The following ATM variants were observed in gnomAD, a reference collection of about 807,000 sequenced individuals.
The protein encoded by ATM is serine-protein kinase ATM.
ATM carries 308 observed loss-of-function variants against 387.0 expected under a neutral mutation model. That is an observed-to-expected ratio of 0.80 (90% CI 0.73 to 0.87). ATM has a LOEUF of 0.87. Among genes scored for constraint, ATM ranks in the 40% least tolerant of loss-of-function variants. The pLI is 0.00. For synonymous variants in ATM, 1,156 were observed against 1,187.3 expected, an observed-to-expected ratio of 0.97 and a Z score of 0.54; for missense variants, 3,312 against 3,560.9, an observed-to-expected ratio of 0.93 and a Z score of 1.78.
chr11:108,323,227 A>AG (rs2085359694), intron 45 of ATM, among the ~76,000 whole-genome samples: 1 of 152,240 alleles, frequency 6.6e-6, no homozygotes, highest in African/African-American at 2.4e-5. Context: ...GTGGCTTAGG[A>AG]GGAAAATAAA....
intron 4 of ATM, among the ~76,000 whole-genome samples, chr11:108,233,059 A>T (rs561313927): frequency 6.6e-6 from 1 of 151,792 alleles, no homozygotes; most frequent in Non-Finnish European, 1.5e-5. Context: ...ACGGGGTTTC[A>T]CCACATTGGT....
At chr11:108,336,121 A>G in intron 56 of ATM, 160 bp downstream of exon 56, 1 of 575,502 alleles carries the variant, frequency 1.7e-6, no homozygotes, top group Non-Finnish European at 3.1e-6. Context: ...ACATAGTGAG[A>G]CCCCATCTTG....
chr11:108,322,875 C>T (rs1369724703), intron 45 of ATM, among the ~76,000 whole-genome samples: 1 of 151,344 alleles, frequency 6.6e-6, no homozygotes, highest in Admixed American at 6.6e-5. Context: ...TTTATCTCTG[C>T]CTTGCTACTA....
chr11:108,367,336 T>G lies in ATM; in HGVS notation c.*1828T>G, dbSNP rs1002371848. On this transcript the variant is annotated 3_prime_UTR_variant, in exon 63 of 63. Transcript: ENST00000675843. ...AGGATTTCCCCTTTCTTGTAAGTTC[T>G]GCTATGTATTTAAAAGAATGTTTTC... The G allele has an allele frequency of 5.4e-6, 1 of 184,942 alleles. No individual in the cohort carries two copies. The allele number at this position is 184,942 out of a possible 1,614,324, so 11.5% of individuals were successfully genotyped here. A position where few individuals can be genotyped will look rare whatever the true frequency, so the allele number is the denominator to read the frequency against.
chr11:108,245,065 C>T (rs2135245707), intron 7 of ATM, 39 bp downstream of exon 7: 1 of 1,472,886 alleles, frequency 6.8e-7, no homozygotes, highest in Non-Finnish European at 9.4e-7. Context: ...TTTGCTTCTT[C>T]ATTCAAACAT....
chr11:108,255,700 G>A (rs773112300), intron 13 of ATM, among the ~76,000 whole-genome samples: 21 of 152,100 alleles, frequency 1.4e-4, no homozygotes, highest in Admixed American at 2.0e-4. Context: ...TGTTGGGGTT[G>A]TAGGCGTGAG....
Position 108,334,874 on chromosome 11 carries a change from CT to C in ATM, c.8011-94del, listed in dbSNP as rs2086659456. ...CACTATCACATCGTCATTTGTTTCT[CT>C]GTTTAATATTAAAATTGCCATTTAT... On this transcript the variant is annotated intron_variant, in intron 54 of 62. Transcript: ENST00000675843. The C allele has an allele frequency of 2.8e-6, 4 of 1,407,728 alleles. 1 individual carries two copies. In the Admixed American group the frequency reaches 7.0e-5, roughly 25 times the overall value. 87.2% of individuals were successfully genotyped at this position (1,407,728 alleles called of 1,614,324 possible).
rs1387925127 is a variant in ATM, at chr11:108,244,088, A to T, written c.632A>T (p.Asp211Val). The T allele has an allele frequency of 6.2e-7, 1 of 1,613,802 alleles. No individual in the cohort carries two copies. Among genetic ancestry groups the T allele is most frequent in the Admixed American group, 1.7e-5 (1 of 59,990 alleles). ...GACGGATTAAATTCCAAATTTTTGG[A>T]CTTTTTTTCCAAGGCTATTCAGTGT... ...QTDGLNSKFL[D>V]FFSKAIQCAR... Residue 211 changes from aspartate (D) to valine (V), a missense_variant, in exon 6 of 63, where the codon GAC (aspartate) becomes GTC (valine). Asp to Val is a radical substitution (Grantham distance 152). Transcript: ENST00000675843.
intron 52 of ATM, among the ~76,000 whole-genome samples, chr11:108,332,553 T>C (rs1258075434): frequency 6.6e-6 from 1 of 152,162 alleles, no homozygotes; most frequent in Non-Finnish European, 1.5e-5. Flanking sequence ...AGTGAAACAA[T>C]AGATTTTGAA....
chr11:108,273,465 C>T (rs945283845), intron 22 of ATM, among the ~76,000 whole-genome samples: 2 of 150,752 alleles, frequency 1.3e-5, no homozygotes, highest in East Asian at 3.9e-4. Flanking sequence ...CCTCATCCTC[C>T]TGAGTAGCTG....
At chr11:108,235,591 T>C in intron 4 of ATM, 79 bp from the exon 5 acceptor site, 1 of 1,289,802 alleles carries the variant, frequency 7.8e-7, no homozygotes, top group Admixed American at 2.1e-5. Flanking sequence ...CCAAATGGAA[T>C]TATTTAAATA....
intron 5 of ATM, chr11:108,236,191 C>A: frequency 3.5e-6 from 1 of 284,750 alleles, no homozygotes; most frequent in Non-Finnish European, 6.8e-6. Context: ...AACAATGACA[C>A]CTAAACTCAA....
At chr11:108,283,622 A>G (rs1007994705) in intron 25 of ATM, among the ~76,000 whole-genome samples, 1 of 152,206 alleles carries the variant, frequency 6.6e-6, no homozygotes, top group African/African-American at 2.4e-5. Context: ...AGTGGTCCTT[A>G]TAGTTCATTC....
At chr11:108,359,766 G>A (rs370161537) in intron 61 of ATM, among the ~76,000 whole-genome samples, 18 of 151,938 alleles carry the variant, frequency 1.2e-4, no homozygotes, top group South Asian at 1.0e-3. Flanking sequence ...AAGACACAAC[G>A]TACCAGAATC....
In ATM at chr11:108,365,183, G is replaced by A. The variant is rs2137884197; in HGVS notation, c.8952G>A (p.Leu2984=). 6.2e-7 allele frequency: 1 copy of A among 1,614,188 alleles called. No individual in the cohort carries two copies. The highest frequency in any genetic ancestry group is 2.2e-5 in the East Asian group (1 of 44,886). Residue 2984 remains leucine (L), a synonymous_variant, in exon 62 of 63, where the codon CTG becomes CTA. Transcript: ENST00000675843. The part of the protein sequence containing the change: ...PEDETELHPT[L]NADDQECKRN... Reference sequence around the variant, plus strand: ...ATGAAACTGAGCTTCACCCTACTCTGAATGCAGATGACCAAGAATGCAAAC... The same window carrying A: ...ATGAAACTGAGCTTCACCCTACTCTAAATGCAGATGACCAAGAATGCAAAC...
intron 1 of ATM, chr11:108,224,411 C>G (rs1041952845): frequency 2.5e-4 from 38 of 152,204 alleles, no homozygotes; most frequent in Admixed American, 2.0e-3. Flanking sequence ...TTCGTCAATT[C>G]AGAGGCTCGT....
Position 108,257,573 on chromosome 11 carries a change from G to A in ATM, c.2343G>A (p.Gln781=), listed in dbSNP as rs2135407606. 1.2e-6 allele frequency: 2 copies of A among 1,613,968 alleles called. No individual in the cohort carries two copies. Among genetic ancestry groups the A allele is most frequent in the South Asian group, 2.2e-5 (2 of 91,076 alleles). The part of the protein sequence containing the change: ...FRIGSLRNMM[Q]LCTRCLSNCT... ...TTGGTTCCTTGAGAAATATGATGCA[G>A]CTATGTACACGTTGCTTGAGCAACT... The change falls in exon 15 of 63, where the codon CAG becomes CAA. Residue 781 remains glutamine, a synonymous_variant. Coordinates refer to ENST00000675843, the MANE Select transcript of ATM (RefSeq NM_000051.4).
chr11:108,309,069 T>G, intron 38 of ATM: 1 of 1,482,566 alleles, frequency 6.7e-7, no homozygotes, highest in East Asian at 2.5e-5. Context: ...CTGAAGAATA[T>G]TCCTGGAGAA....
intron 57 of ATM, among the ~76,000 whole-genome samples, chr11:108,344,001 A>C (rs1000228433): frequency 1.3e-5 from 2 of 152,188 alleles, no homozygotes; most frequent in African/African-American, 4.8e-5. Context: ...TAATCATCAT[A>C]ATCCTTATCC....
Sources: allele counts gnomAD v4.1 joint callset (sites outside exome capture counted in the v4.1 genomes callset), GRCh38; gene constraint gnomAD v4.1.1; transcripts MANE v1.5; gene names NCBI Gene and HGNC (gene_info 2026-07-23, HGNC 2026-07-21).